ZIC3: variants seen among roughly 807,000 people sequenced by gnomAD.
ZIC3 encodes Zic family zinc finger 3, also known as zinc finger protein ZIC 3.
A neutral mutation model predicts 18.3 loss-of-function variants in ZIC3; 6 were observed. The ratio of observed to expected loss-of-function variants is 0.33; its 90% CI spans 0.18 to 0.65. The LOEUF (loss-of-function observed/expected upper bound fraction) is 0.65, where lower values mean the gene tolerates loss of function less well. Ranked by LOEUF, ZIC3 falls within the 30% of genes least tolerant of loss-of-function variation. ZIC3 has a pLI of 0.75. For synonymous variants in ZIC3, 175 were observed against 177.0 expected, an observed-to-expected ratio of 0.99 and a Z score of 0.09; for missense variants, 260 against 410.0, an observed-to-expected ratio of 0.63 and a Z score of 3.16.
At position 137,571,728 on chromosome X, in the gene ZIC3, T is replaced by C. The variant is rs773536203; in HGVS notation, c.*1658T>C. ...AACGGTTGTTTGCTTTGTGATAAAA[T>C]GTTAACAATCCATTTAATCTTCAGT... On this transcript the variant is annotated 3_prime_UTR_variant, in exon 3 of 3. Coordinates refer to ENST00000287538, the MANE Select transcript of ZIC3 (RefSeq NM_003413.4). 2.6e-4 allele frequency: 29 copies of C among 112,900 alleles called. No homozygotes were observed. Among genetic ancestry groups the C allele is most frequent in the African/African-American group, 9.3e-4 (29 of 31,078 alleles). The allele number at this position is 112,900 out of a possible 1,213,427, so 9.3% of individuals were successfully genotyped here.
At chrX:137,567,884 C>A in intron 1 of ZIC3, 133 bp downstream of exon 1, 1 of 1,093,276 alleles carries the variant, frequency 9.1e-7, no homozygotes, top group Non-Finnish European at 1.2e-6. Context: ...GAAAAAGAAG[C>A]GCTGTCAGTG....
downstream of ZIC3, among the ~76,000 whole-genome samples, chrX:137,573,381 G>T (rs1047525244): frequency 9.0e-5 from 10 of 111,533 alleles, no homozygotes; most frequent in African/African-American, 2.9e-4. Flanking sequence ...GAAGGTTAAA[G>T]ATCAGGACAG....
downstream of ZIC3, among the ~76,000 whole-genome samples, chrX:137,575,140 T>C (rs1342630900): frequency 8.9e-6 from 1 of 112,042 alleles, no homozygotes. Context: ...TCCCTAAAAA[T>C]GCCCCAAGAG....
chrX:137,566,471 A>AACACCCCCCCCCCTCTC lies in ZIC3; in HGVS notation c.-213_-212insCCCCCTCTCACACCCCC. On this transcript the variant is annotated 5_prime_UTR_variant, in exon 1 of 3. Coordinates refer to ENST00000287538, the MANE Select transcript of ZIC3 (RefSeq NM_003413.4). ...TCTCCTCCCTCCTCCTCCCCCCGCC[A>AACACCCCCCCCCCTCTC]ACACCCCCTCCCTGCTCTTTCTTCC... The AACACCCCCCCCCCTCTC allele has an allele frequency of 1.9e-5, 1 of 52,175 alleles. No homozygotes were observed. 4.3% of individuals were successfully genotyped at this position (52,175 alleles called of 1,213,427 possible).
downstream of ZIC3, among the ~76,000 whole-genome samples, chrX:137,576,591 A>T (rs776266819): frequency 2.7e-5 from 3 of 112,484 alleles, no homozygotes; most frequent in South Asian, 1.1e-3. Flanking sequence ...TAACCATTGA[A>T]ATTTACAGCT....
exon 3 of ZIC3, chrX:137,577,220 T>C (rs1369262032): frequency 3.8e-6 from 2 of 522,263 alleles, no homozygotes; most frequent in Non-Finnish European, 7.0e-6. Flanking sequence ...ACACTACCTA[T>C]CCTAAATGCA....
At position 137,569,914 on chromosome X, in the gene ZIC3, T is replaced by G. The variant is rs755343529; in HGVS notation, c.1248T>G (p.Asp416Glu). ...HMKVHESQGS[D>E]SSPAASSGYE... is the part of the protein sequence containing the mutation. Reference sequence around the variant, plus strand: ...AGGTTCATGAATCTCAAGGGTCAGATTCCTCCCCTGCTGCCAGTTCAGGCT... The same window carrying G: ...AGGTTCATGAATCTCAAGGGTCAGAGTCCTCCCCTGCTGCCAGTTCAGGCT... Residue 416 changes from aspartate (D) to glutamate (E), a missense_variant, in exon 3 of 3, where the codon GAT (aspartate) becomes GAG (glutamate). By Grantham distance (45) the Asp-to-Glu change is conservative. This residue lies in a region of ZIC3 where 52 missense variants were observed against 111.5 expected (regional missense o/e 0.47). Coordinates refer to ENST00000287538, the MANE Select transcript of ZIC3 (RefSeq NM_003413.4). The G allele has an allele frequency of 1.2e-4, 148 of 1,209,503 alleles. No individual in the cohort carries two copies. In the South Asian group the frequency reaches 1.9e-3, roughly 15 times the overall value.
exon 3 of ZIC3, chrX:137,577,182 G>C: frequency 1.9e-6 from 1 of 525,197 alleles, no homozygotes; most frequent in Non-Finnish European, 3.5e-6. Context: ...TGATACTGAC[G>C]TTGGTATGCA....
At chrX:137,577,426 C>CA in exon 3 of ZIC3, 1 of 327,744 alleles carries the variant, frequency 3.1e-6, no homozygotes, top group Non-Finnish European at 5.3e-6. Flanking sequence ...AATGAAAAAG[C>CA]AAAAAAACTC....
rs1328757168 is a variant in ZIC3, at chrX:137,572,039, G to T, written c.*1969G>T. Among the ~76,000 whole-genome samples the T allele has an allele frequency of 8.9e-6, 1 of 112,084 alleles. No individual in the cohort carries two copies. The highest frequency in any genetic ancestry group is 3.2e-5 in the African/African-American group (1 of 30,880). ...TTATATATGATCATTTTCAATTCTA[G>T]AATTTTGTTTATTGTTCTTTTTGAA... On this transcript the variant is annotated 3_prime_UTR_variant, in exon 3 of 3. Coordinates refer to ENST00000287538, the MANE Select transcript of ZIC3 (RefSeq NM_003413.4).
Position 137,570,201 on chromosome X carries a change from T to C in ZIC3, c.*131T>C. The C allele has an allele frequency of 1.2e-6, 1 of 825,296 alleles. No homozygotes were observed. Among genetic ancestry groups the C allele is most frequent in the Non-Finnish European group, 1.8e-6 (1 of 557,547 alleles). The allele number at this position is 825,296 out of a possible 1,213,427, so 68.0% of individuals were successfully genotyped here. On this transcript the variant is annotated 3_prime_UTR_variant, in exon 3 of 3. Coordinates refer to ENST00000287538, the MANE Select transcript of ZIC3 (RefSeq NM_003413.4). ...TAGGGCTACATCTTGTTAATTGCAA[T>C]TGTCCAGGAAGGTTTTGGGCAAGAT...
downstream of ZIC3, among the ~76,000 whole-genome samples, chrX:137,573,153 AAAAAAAACC>A (rs1484049338): frequency 6.1e-4 from 39 of 63,698 alleles, no homozygotes; most frequent in South Asian, 0.02. Flanking sequence ...AAAAAAAAAA[AAAAAAAACC>A]AAACAAACCA....
rs772820536 is a variant in ZIC3, at chrX:137,567,153, C to G, written c.462C>G (p.Pro154=). The change falls in exon 1 of 3, where the codon CCC becomes CCG. Residue 154 remains proline (P), a synonymous_variant. Transcript: ENST00000287538. Reference sequence around the variant, plus strand: ...GCCTGCATGCTCCAGCTGGCATCCCCGAGCCCCCTAGCTACTTGCTGTTTC... The same window carrying G: ...GCCTGCATGCTCCAGCTGGCATCCCGGAGCCCCCTAGCTACTTGCTGTTTC... ...ASSLHAPAGI[P]EPPSYLLFPG... 3 of 1,207,191 alleles carry G rather than the reference C, an allele frequency of 2.5e-6. No homozygotes were observed. The highest frequency in any genetic ancestry group is 3.5e-5 in the South Asian group (2 of 56,853).
Position 137,566,599 on chromosome X carries a change from C to A in ZIC3, c.-93C>A. The A allele has an allele frequency of 1.7e-6, 2 of 1,155,883 alleles. No homozygotes were observed. The highest frequency in any genetic ancestry group is 2.3e-6 in the Non-Finnish European group (2 of 872,566). ...TCCCCGCAGTGTCCAACCGCCGCCA[C>A]CCCTTTCCGACTACGGCACTTCGGA... On this transcript the variant is annotated 5_prime_UTR_variant, in exon 1 of 3. Coordinates refer to ENST00000287538, the MANE Select transcript of ZIC3 (RefSeq NM_003413.4).
downstream of ZIC3, among the ~76,000 whole-genome samples, chrX:137,575,191 G>A (rs988734330): frequency 6.2e-5 from 7 of 112,182 alleles, no homozygotes; most frequent in African/African-American, 1.9e-4. Flanking sequence ...CGAAGCCTAT[G>A]AACACGTAAG....
chrX:137,568,331 GATCGATCGATCT>G (rs1190471505), intron 1 of ZIC3, among the ~76,000 whole-genome samples: 288 of 59,754 alleles, frequency 4.8e-3, no homozygotes, highest in South Asian at 0.019. Context: ...GAGCCCCCTG[GATCGATCGATCT>G]ATCTATCTAT....
chrX:137,571,483 AT>A lies in ZIC3; in HGVS notation c.*1416del, dbSNP rs1380196721. The A allele has an allele frequency of 8.9e-6, 1 of 112,474 alleles. No individual in the cohort carries two copies. The highest frequency in any genetic ancestry group is 1.9e-5 in the Non-Finnish European group (1 of 53,227). 9.3% of individuals were successfully genotyped at this position (112,474 alleles called of 1,213,427 possible). On this transcript the variant is annotated 3_prime_UTR_variant, in exon 3 of 3. Transcript: ENST00000287538. Reference sequence around the variant, plus strand: ...GTGCTTCTTAAAAGAACCATAGTCCATTTACAATTTTGGAAGGCAAAGGCTG... The same window carrying A: ...GTGCTTCTTAAAAGAACCATAGTCCATTACAATTTTGGAAGGCAAAGGCTG...
intron 2 of ZIC3, 45 bp downstream of exon 2, chrX:137,569,110 C>T (rs1315232388): frequency 7.5e-6 from 9 of 1,203,979 alleles, no homozygotes; most frequent in Non-Finnish European, 9.0e-6. Flanking sequence ...AAACACTCGG[C>T]CCGACGCCGG....
Position 137,566,631 on chromosome X carries a change from C to A in ZIC3, c.-61C>A. 8.5e-7 allele frequency: 1 copy of A among 1,174,546 alleles called. No individual in the cohort carries two copies. Among genetic ancestry groups the A allele is most frequent in the Non-Finnish European group, 1.1e-6 (1 of 880,638 alleles). On this transcript the variant is annotated 5_prime_UTR_variant, in exon 1 of 3. Transcript: ENST00000287538. ...CCGACTACGGCACTTCGGAGATCTC[C>A]TCCTTCGCCGGTACCCTCTCTCACT...
Sources: gnomAD v4.1 joint callset for allele counts (sites outside exome capture counted in the v4.1 genomes callset) on GRCh38, gnomAD v4.1.1 for gene constraint, gnomAD v4.1.1 regional missense constraint, MANE v1.5 for transcripts, NCBI Gene and HGNC (gene_info 2026-07-23, HGNC 2026-07-21) for gene names.